The following TRIM55 variants were observed in gnomAD, a reference collection of about 807,000 sequenced individuals.
The protein encoded by TRIM55 is tripartite motif containing 55.
In TRIM55, 50 loss-of-function variants were observed where a neutral mutation model predicts 60.9. The ratio of observed to expected loss-of-function variants is 0.82; its 90% CI spans 0.65 to 1.04. The LOEUF (loss-of-function observed/expected upper bound fraction) is 1.04, where lower values mean the gene tolerates loss of function less well. Among genes scored for constraint, TRIM55 ranks in the 50% least tolerant of loss-of-function variants. The pLI is 0.00. For synonymous variants in TRIM55, 237 were observed against 238.1 expected (o/e 1.00, Z 0.04); for missense variants, 681 against 666.9 (o/e 1.02, Z -0.23).
At chr8:66,125,157 A>G (rs2128971130), upstream of TRIM55, among the ~76,000 whole-genome samples, 1 of 152,316 alleles carries the variant, frequency 6.6e-6, no homozygotes, top group East Asian at 1.9e-4. Flanking sequence ...AGCCTTCGAA[A>G]TCTTCTTTGG....
At chr8:66,126,765 C>T (rs1586160843), upstream of TRIM55, 1 of 152,392 alleles carries the variant, frequency 6.6e-6, no homozygotes, top group African/African-American at 2.4e-5. Flanking sequence ...TTCCTACACT[C>T]TCAAGACAGG....
At chr8:66,116,751 C>A in the TRIM55 span, among the ~76,000 whole-genome samples, 7 of 81,894 alleles carry the variant, frequency 8.5e-5, no homozygotes, top group Middle Eastern at 5.2e-3. Flanking sequence ...AAAAAAAATA[C>A]CAATTATATA....
chr8:66,158,662 A>G (rs991979582), intron 9 of TRIM55, among the ~76,000 whole-genome samples: 2 of 152,202 alleles, frequency 1.3e-5, no homozygotes, highest in Non-Finnish European at 2.9e-5. Flanking sequence ...TTTCATTGGG[A>G]GGGTTATGGA....
chr8:66,127,378 T>C lies in TRIM55; in HGVS notation c.110T>C (p.Val37Ala), dbSNP rs1808867975. ...TGCTTAGAGATGTTCACGAAACCTG[T>C]GGTGATTCTCCCTTGTCAGCACAAC... ...PICLEMFTKP[V>A]VILPCQHNLC... The change falls in exon 1 of 10, where the codon GTG (valine) becomes GCG (alanine). Residue 37 changes from valine to alanine, a missense_variant. Coordinates refer to ENST00000315962, the MANE Select transcript of TRIM55 (RefSeq NM_184085.2). The C allele has an allele frequency of 1.2e-6, 2 of 1,614,108 alleles. No individual in the cohort carries two copies. The highest frequency in any genetic ancestry group is 8.5e-7 in the Non-Finnish European group (1 of 1,180,020).
At chr8:66,162,856 A>AT (rs1452477517) in intron 9 of TRIM55, among the ~76,000 whole-genome samples, 1 of 152,124 alleles carries the variant, frequency 6.6e-6, no homozygotes, top group Non-Finnish European at 1.5e-5. Context: ...TTCTTCTAGA[A>AT]TTTTTATAGT....
At chr8:66,141,065 T>A (rs1321373113) in intron 4 of TRIM55, among the ~76,000 whole-genome samples, 2 of 152,268 alleles carry the variant, frequency 1.3e-5, no homozygotes, top group East Asian at 3.9e-4. Context: ...GTCCTAATCA[T>A]GTAATGTCAC....
At position 66,137,180 on chromosome 8, in the gene TRIM55, A is replaced by G; in HGVS notation, c.593A>G (p.Lys198Arg). ...ATCAGCCAGCTGGAAGACACCTGCAAAACTATCGAGGTGAGTCAGGTGACT... is the reference window on the plus strand; with the variant it reads ...ATCAGCCAGCTGGAAGACACCTGCAGAACTATCGAGGTGAGTCAGGTGACT... ...GVISQLEDTC[K>R]TIEECCRKQK... Residue 198 changes from lysine to arginine, a missense_variant, in exon 4 of 10, where the codon AAA becomes AGA. Physicochemically the swap from Lys to Arg is conservative, Grantham distance 26. Transcript: ENST00000315962. The G allele has an allele frequency of 6.2e-7, 1 of 1,614,068 alleles. No homozygotes were observed. Among genetic ancestry groups the G allele is most frequent in the Non-Finnish European group, 8.5e-7 (1 of 1,179,948 alleles).
At chr8:66,114,198 G>T in the TRIM55 span, among the ~76,000 whole-genome samples, 1 of 151,774 alleles carries the variant, frequency 6.6e-6, no homozygotes, top group Admixed American at 6.6e-5. Context: ...TGGGGGATTA[G>T]CTCAAATGGT....
intron 2 of TRIM55, among the ~76,000 whole-genome samples, chr8:66,128,900 A>G (rs1219827160): frequency 6.6e-6 from 1 of 152,246 alleles, no homozygotes. Flanking sequence ...CATCTTCCGA[A>G]GTAGCCCAGT....
chr8:66,144,168 T>C (rs2128977887), intron 4 of TRIM55, among the ~76,000 whole-genome samples: 1 of 152,324 alleles, frequency 6.6e-6, no homozygotes, highest in South Asian at 2.1e-4. Context: ...TGTTAAATGT[T>C]ACCTACTCAC....
At chr8:66,159,509 G>C (rs1215227500) in intron 9 of TRIM55, among the ~76,000 whole-genome samples, 1 of 152,214 alleles carries the variant, frequency 6.6e-6, no homozygotes, top group African/African-American at 2.4e-5. Context: ...CTCACATATA[G>C]GTCTTTGTGT....
chr8:66,135,737 G>A (rs1306439407), intron 3 of TRIM55, among the ~76,000 whole-genome samples: 1 of 152,032 alleles, frequency 6.6e-6, no homozygotes, highest in Non-Finnish European at 1.5e-5. Context: ...TCTGAGTGTG[G>A]TGTCTCCCCC....
the TRIM55 span, among the ~76,000 whole-genome samples, chr8:66,113,789 C>T: frequency 6.6e-6 from 1 of 152,190 alleles, no homozygotes; most frequent in African/African-American, 2.4e-5. Flanking sequence ...GGGACCTTCT[C>T]CTCAGAGCCC....
At chr8:66,164,253 C>T (rs2128985026) in intron 9 of TRIM55, among the ~76,000 whole-genome samples, 1 of 152,316 alleles carries the variant, frequency 6.6e-6, no homozygotes, top group East Asian at 1.9e-4. Context: ...CCTTCAGCCA[C>T]AAGCACGGCC....
chr8:66,132,569 A>G (rs932104837), intron 2 of TRIM55, among the ~76,000 whole-genome samples: 6 of 152,258 alleles, frequency 3.9e-5, no homozygotes, highest in African/African-American at 1.4e-4. Context: ...CAGAGACAGC[A>G]GGCTACATAC....
chr8:66,136,998 TA>T, intron 3 of TRIM55, 96 bp from the exon 4 acceptor site: 3 of 1,024,068 alleles, frequency 2.9e-6, no homozygotes, highest in Non-Finnish European at 4.3e-6. Flanking sequence ...GCATGGATCC[TA>T]AATTAAGAAC....
Position 66,128,490 on chromosome 8 carries a change from A to G in TRIM55, c.341+14A>G. On this transcript the variant is annotated intron_variant, in intron 2 of 9. Transcript: ENST00000315962. ...GGAGTCCACCAGGTAACACTCTTCC[A>G]CTCTTCCATGTGTCAAGCCCATCTG... 6.2e-7 allele frequency: 1 copy of G among 1,607,948 alleles called. No individual in the cohort carries two copies. Among genetic ancestry groups the G allele is most frequent in the Non-Finnish European group, 8.5e-7 (1 of 1,177,726 alleles).
chr8:66,174,303 A>G (rs939796123), intron 9 of TRIM55, among the ~76,000 whole-genome samples, 168 bp from the exon 10 acceptor site: 2 of 151,884 alleles, frequency 1.3e-5, no homozygotes, highest in African/African-American at 4.8e-5. Flanking sequence ...AGCCAAAATA[A>G]TCTGAGCTTG....
At chr8:66,150,095 T>G in intron 5 of TRIM55, 122 bp from the exon 6 acceptor site, 1 of 1,213,298 alleles carries the variant, frequency 8.2e-7, no homozygotes, top group Admixed American at 2.5e-5. Context: ...AAGACAGCAG[T>G]TATTTATGAC....
Sources: gnomAD v4.1 joint callset for allele counts (sites outside exome capture counted in the v4.1 genomes callset) on GRCh38, gnomAD v4.1.1 for gene constraint, MANE v1.5 for transcripts, NCBI Gene and HGNC (gene_info 2026-07-23, HGNC 2026-07-21) for gene names.